ABLIM1: variants seen among roughly 807,000 people sequenced by gnomAD.
ABLIM1 encodes the protein actin-binding LIM protein 1.
ABLIM1 carries 40 observed loss-of-function variants against 107.0 expected under a neutral mutation model. The ratio of observed to expected loss-of-function variants is 0.37; its 90% CI spans 0.29 to 0.49. ABLIM1 has a LOEUF of 0.49. Among genes scored for constraint, ABLIM1 ranks in the 20% least tolerant of loss-of-function variants. The pLI, the probability that ABLIM1 is intolerant of heterozygous loss-of-function variation, is 0.97. For missense variants in ABLIM1, 857 were observed against 1,008.5 expected, an observed-to-expected ratio of 0.85 and a Z score of 2.04; for synonymous variants, 357 against 357.3, an observed-to-expected ratio of 1.00 and a Z score of 0.01.
chr10:114,473,690 G>A (rs1019122793), intron 9 of ABLIM1, among the ~76,000 whole-genome samples, 189 bp downstream of exon 9: 1 of 151,996 alleles, frequency 6.6e-6, no homozygotes, highest in African/African-American at 2.4e-5. Flanking sequence ...CTCTGTTGAT[G>A]GTCACATAAA....
chr10:114,497,063 G>C (rs2059757901), intron 6 of ABLIM1, among the ~76,000 whole-genome samples: 1 of 152,246 alleles, frequency 6.6e-6, no homozygotes, highest in Admixed American at 6.5e-5. Flanking sequence ...TTAAATTGGA[G>C]TTATTTTTAG....
At chr10:114,735,069 A>G (rs2082151320) in intron 1 of ABLIM1, among the ~76,000 whole-genome samples, 1 of 152,156 alleles carries the variant, frequency 6.6e-6, no homozygotes, top group Admixed American at 6.5e-5. Context: ...CATGTACAAA[A>G]TGCAATTCTA....
chr10:114,480,945 A>C (rs2057273493), intron 8 of ABLIM1, among the ~76,000 whole-genome samples: 1 of 152,250 alleles, frequency 6.6e-6, no homozygotes, highest in Non-Finnish European at 1.5e-5. Flanking sequence ...AAGTAGCCAA[A>C]TGCTTTAAAA....
intron 1 of ABLIM1, among the ~76,000 whole-genome samples, chr10:114,716,281 T>C (rs1322761468): frequency 6.6e-6 from 1 of 152,202 alleles, no homozygotes. Flanking sequence ...AGGAAAATTC[T>C]ATCTTTTGCG....
chr10:114,547,760 T>G lies in ABLIM1; in HGVS notation c.690A>C (p.Gly230=), dbSNP rs762602093. ...TTFSSNCAGC[G]RDIKNGQALL... is the part of the protein sequence containing the mutation. Reference sequence around the variant, plus strand: ...GCGCCTGCCCATTCTTGATATCTCTTCCGCAGCCGGCACAATCTGAAAAAG... The same window carrying G: ...GCGCCTGCCCATTCTTGATATCTCTGCCGCAGCCGGCACAATCTGAAAAAG... Residue 230 remains glycine, a synonymous_variant, in exon 5 of 23, where the codon GGA becomes GGC. Transcript: ENST00000533213. 1 of 1,610,166 alleles carries G rather than the reference T, an allele frequency of 6.2e-7. No individual in the cohort carries two copies. The highest frequency in any genetic ancestry group is 8.5e-7 in the Non-Finnish European group (1 of 1,179,998).
chr10:114,773,043 G>T (rs1284438216), upstream of ABLIM1, among the ~76,000 whole-genome samples: 1 of 151,932 alleles, frequency 6.6e-6, no homozygotes, highest in East Asian at 1.9e-4. Flanking sequence ...CCAAAATATT[G>T]GGAGATGAAT....
chr10:114,481,738 C>T (rs564310836), intron 8 of ABLIM1, among the ~76,000 whole-genome samples: 9 of 152,268 alleles, frequency 5.9e-5, no homozygotes, highest in African/African-American at 7.2e-5. Context: ...ATCTTTACAC[C>T]TCTACATTCA....
chr10:114,549,504 A>C (rs1273763259), intron 4 of ABLIM1, among the ~76,000 whole-genome samples: 2 of 152,142 alleles, frequency 1.3e-5, no homozygotes, highest in African/African-American at 2.4e-5. Context: ...CTCTTGCTGC[A>C]GCTAGTTTAA....
chr10:114,507,083 C>T (rs76562838), intron 6 of ABLIM1, among the ~76,000 whole-genome samples: 100 of 152,300 alleles, frequency 6.6e-4, no homozygotes, highest in African/African-American at 2.4e-3. Flanking sequence ...TTTTCTTCCC[C>T]AGGGTTAGAG....
intron 12 of ABLIM1, among the ~76,000 whole-genome samples, chr10:114,460,710 T>C (rs904459436): frequency 6.6e-6 from 1 of 152,236 alleles, no homozygotes; most frequent in African/African-American, 2.4e-5. Context: ...TCTTGATTTA[T>C]AGAGGAGTCA....
At chr10:114,584,125 A>T (rs1003859061) in intron 2 of ABLIM1, among the ~76,000 whole-genome samples, 2 of 133,958 alleles carry the variant, frequency 1.5e-5, no homozygotes, top group African/African-American at 5.4e-5. Context: ...AGTAAAAGTC[A>T]AAATTAAGAA....
At chr10:114,660,829 C>T (rs535130574), upstream of ABLIM1, among the ~76,000 whole-genome samples, 8 of 152,314 alleles carry the variant, frequency 5.3e-5, no homozygotes, top group Non-Finnish European at 1.0e-4. Context: ...AATGCACAAA[C>T]ACAGACTTTG....
chr10:114,653,038 CTT>C (rs1227150333), intron 1 of ABLIM1, among the ~76,000 whole-genome samples: 1 of 152,190 alleles, frequency 6.6e-6, no homozygotes, highest in Non-Finnish European at 1.5e-5. Flanking sequence ...ATGACCCACT[CTT>C]ATGCTCCTCA....
chr10:114,666,458 T>C (rs1417608053), intron 1 of ABLIM1, among the ~76,000 whole-genome samples: 1 of 152,064 alleles, frequency 6.6e-6, no homozygotes, highest in Non-Finnish European at 1.5e-5. Context: ...TAATCAGAAC[T>C]CAACCAGAGG....
the ABLIM1 span, among the ~76,000 whole-genome samples, chr10:114,796,094 C>G: frequency 6.6e-6 from 1 of 152,190 alleles, no homozygotes; most frequent in Non-Finnish European, 1.5e-5. Context: ...GTTCTCACTT[C>G]ATGTTGGCCA....
intron 4 of ABLIM1, among the ~76,000 whole-genome samples, chr10:114,551,518 T>C (rs896469660): frequency 6.6e-6 from 1 of 151,926 alleles, no homozygotes; most frequent in African/African-American, 2.4e-5. Context: ...GAGGCTGAAG[T>C]GGAGTTACAC....
chr10:114,509,054 A>G (rs1202258355), intron 6 of ABLIM1, among the ~76,000 whole-genome samples: 1 of 152,234 alleles, frequency 6.6e-6, no homozygotes, highest in Non-Finnish European at 1.5e-5. Context: ...AGTTGTCTTT[A>G]ATGACTGGGA....
upstream of ABLIM1, among the ~76,000 whole-genome samples, chr10:114,772,969 C>T (rs2083041716): frequency 6.6e-6 from 1 of 151,920 alleles, no homozygotes; most frequent in East Asian, 1.9e-4. Context: ...ATAAAACAGA[C>T]AAACAGAACC....
chr10:114,781,443 G>A, the ABLIM1 span, among the ~76,000 whole-genome samples: 5 of 152,012 alleles, frequency 3.3e-5, no homozygotes, highest in African/African-American at 9.6e-5. Flanking sequence ...GGTGGAGGTT[G>A]CAGTGAGCCG....
Sources: gnomAD v4.1 joint callset for allele counts (sites outside exome capture counted in the v4.1 genomes callset) on GRCh38, gnomAD v4.1.1 for gene constraint, MANE v1.5 for transcripts, NCBI Gene and HGNC (gene_info 2026-07-23, HGNC 2026-07-21) for gene names.